The following ERBB3 variants were observed in gnomAD, a reference collection of about 807,000 sequenced individuals.
ERBB3 encodes erb-b2 receptor tyrosine kinase 3.
In ERBB3, 96 loss-of-function variants were observed where a neutral mutation model predicts 156.7. The ratio of observed to expected loss-of-function variants is 0.61; its 90% CI spans 0.52 to 0.73. The LOEUF (loss-of-function observed/expected upper bound fraction) is 0.73, where lower values mean the gene tolerates loss of function less well. Ranked by LOEUF, ERBB3 falls within the 30% of genes least tolerant of loss-of-function variation. ERBB3 has a pLI of 0.00. For synonymous variants in ERBB3, 567 were observed against 632.0 expected (o/e 0.90, Z 1.54); for missense variants, 1,406 against 1,709.4 (o/e 0.82, Z 3.13).
In ERBB3 at chr12:56,086,563, A is replaced by G; in HGVS notation, c.454A>G (p.Asn152Asp). ...ILSGGVYIEK[N>D]DKLCHMDTID... ...GTCAGGGGGTGTTTATATTGAGAAG[A>G]ACGATAAGCTTTGTCACATGGACAC... The change falls in exon 4 of 28, where the codon AAC becomes GAC. Residue 152 changes from asparagine to aspartate, a missense_variant. Around this residue, in one of 3 missense-constraint regions of ERBB3, gnomAD observed 979 missense variants for 1,219.6 expected, o/e 0.80. Transcript: ENST00000267101. 1 of 1,614,118 alleles carries G rather than the reference A, an allele frequency of 6.2e-7. No homozygotes were observed. Among genetic ancestry groups the G allele is most frequent in the East Asian group, 2.2e-5 (1 of 44,878 alleles).
Position 56,094,420 on chromosome 12 carries a change from C to G in ERBB3, c.1723C>G (p.Gln575Glu), listed in dbSNP as rs370896872. ...CACTCAGGGCTCTGATACTTGTGCTCAATGTGCCCATTTTCGAGATGGGCC... is the reference window on the plus strand; with the variant it reads ...CACTCAGGGCTCTGATACTTGTGCTGAATGTGCCCATTTTCGAGATGGGCC... Reference protein sequence around the residue: ...CNGSGSDTCAQCAHFRDGPHC... With the variant: ...CNGSGSDTCAECAHFRDGPHC... The change falls in exon 15 of 28, where the codon CAA becomes GAA. Residue 575 changes from glutamine to glutamate, a missense_variant. Gln to Glu is a conservative substitution (Grantham distance 29, BLOSUM62 2). Transcript: ENST00000267101. 6.2e-7 allele frequency: 1 copy of G among 1,614,122 alleles called. No individual in the cohort carries two copies. The highest frequency in any genetic ancestry group is 1.3e-5 in the African/African-American group (1 of 75,000).
intron 11 of ERBB3, 31 bp from the exon 12 acceptor site, chr12:56,093,314 C>G (rs922828673): frequency 3.8e-6 from 6 of 1,575,870 alleles, no homozygotes; most frequent in Non-Finnish European, 5.2e-6. Context: ...CCTTAGTAGT[C>G]TCTCCTCTCA....
At position 56,092,832 on chromosome 12, in the gene ERBB3, A is replaced by C. The variant is rs769847079; in HGVS notation, c.1183+12A>C. ...ACGGGAGATCACAGGTGAGTGGCAG[A>C]GAGTTTGCCCTTTCTAGAAGAATAG... On this transcript the variant is annotated intron_variant, in intron 10 of 27. Coordinates refer to ENST00000267101, the MANE Select transcript of ERBB3 (RefSeq NM_001982.4). 6.2e-7 allele frequency: 1 copy of C among 1,612,744 alleles called. No homozygotes were observed. Among genetic ancestry groups the C allele is most frequent in the South Asian group, 1.1e-5 (1 of 91,060 alleles).
rs1249915370 is a variant in ERBB3 at position 56,102,826 on chromosome 12, A to AC, written c.*771_*772insC. The AC allele has an allele frequency of 1.4e-5, 3 of 214,616 alleles. No homozygotes were observed. The highest frequency in any genetic ancestry group is 2.3e-5 in the African/African-American group (1 of 43,994). The allele number at this position is 214,616 out of a possible 1,614,324, so 13.3% of individuals were successfully genotyped here. On this transcript the variant is annotated 3_prime_UTR_variant, in exon 28 of 28. Transcript: ENST00000267101. ...CTCTTTAAAAAAAAAAAAAAAAAAA[A>AC]AAAAAAAACTTTAGAACTGGGTGCA...
intron 15 of ERBB3, among the ~76,000 whole-genome samples, chr12:56,094,778 C>T (rs1276733280): frequency 6.6e-6 from 1 of 152,056 alleles, no homozygotes; most frequent in Non-Finnish European, 1.5e-5. Flanking sequence ...ATGGAGAAAC[C>T]CTGTCTCTAC....
chr12:56,092,957 T>G, intron 10 of ERBB3, 29 bp from the exon 11 acceptor site: 1 of 1,590,010 alleles, frequency 6.3e-7, no homozygotes, highest in South Asian at 1.1e-5. Context: ...GAAGGCTCCC[T>G]GCCCATATGC....
chr12:56,100,520 T>C (rs1282351447), intron 26 of ERBB3, among the ~76,000 whole-genome samples: 1 of 151,526 alleles, frequency 6.6e-6, no homozygotes, highest in East Asian at 1.9e-4. Context: ...TGCACACCTG[T>C]AATCACAGCT....
intron 1 of ERBB3, among the ~76,000 whole-genome samples, chr12:56,080,740 C>G (rs1868344129): frequency 1.3e-5 from 2 of 152,124 alleles, no homozygotes; most frequent in African/African-American, 2.4e-5. Flanking sequence ...GGGGCCTTGG[C>G]GGGAAGGGTC....
chr12:56,080,584 C>CG (rs571429414), intron 1 of ERBB3, among the ~76,000 whole-genome samples: 88 of 152,346 alleles, frequency 5.8e-4, no homozygotes, highest in South Asian at 3.9e-3. Flanking sequence ...GGGACCCTCA[C>CG]GCCACCCTTC....
At position 56,102,148 on chromosome 12, in the gene ERBB3, C is replaced by G; in HGVS notation, c.*93C>G. On this transcript the variant is annotated 3_prime_UTR_variant, in exon 28 of 28. Coordinates refer to ENST00000267101, the MANE Select transcript of ERBB3 (RefSeq NM_001982.4). ...TCCCTATTCCCTCTCTCTCCCAGGTCCCAGCCCCTTTTCCCCAGTCCCAGA... is the reference window on the plus strand; with the variant it reads ...TCCCTATTCCCTCTCTCTCCCAGGTGCCAGCCCCTTTTCCCCAGTCCCAGA... 1 of 1,155,266 alleles carries G rather than the reference C, an allele frequency of 8.7e-7. No homozygotes were observed. Among genetic ancestry groups the G allele is most frequent in the Non-Finnish European group, 1.3e-6 (1 of 777,204 alleles). The allele number at this position is 1,155,266 out of a possible 1,614,324, so 71.6% of individuals were successfully genotyped here. A position where few individuals can be genotyped will look rare whatever the true frequency, so the allele number is the denominator to read the frequency against.
At chr12:56,096,283 A>C in intron 17 of ERBB3, 2 of 611,116 alleles carry the variant, frequency 3.3e-6, no homozygotes, top group Non-Finnish European at 5.7e-6. Flanking sequence ...ATCAAAGGGA[A>C]AACCCAACCC....
chr12:56,096,396 C>T, intron 17 of ERBB3, 107 bp from the exon 18 acceptor site: 1 of 1,411,258 alleles, frequency 7.1e-7, no homozygotes, highest in Non-Finnish European at 1.0e-6. Flanking sequence ...GCTTCCTCTT[C>T]CTGCCCTTTC....
rs1159627374 is a variant in ERBB3, at chr12:56,097,943, GA to G, written c.2616+4del. 6.2e-7 allele frequency: 1 copy of G among 1,613,050 alleles called. No individual in the cohort carries two copies. Among genetic ancestry groups the G allele is most frequent in the Admixed American group, 1.7e-5 (1 of 60,004 alleles). Reference sequence around the variant, plus strand: ...AGCTGCTATACAGTGAGGCCAAGGTGAGGAGACACAAAGGGTAAGGAGGCGG... The same window carrying G: ...AGCTGCTATACAGTGAGGCCAAGGTGGGAGACACAAAGGGTAAGGAGGCGG... On this transcript the variant is annotated splice_donor_region_variant and intron_variant, in intron 21 of 27. Transcript: ENST00000267101.
intron 9 of ERBB3, among the ~76,000 whole-genome samples, chr12:56,092,088 TAA>T (rs778531663): frequency 2.9e-4 from 32 of 111,744 alleles, no homozygotes; most frequent in Admixed American, 3.8e-4. Context: ...CCCTGTCTCT[TAA>T]AAAAAAAAAA....
Position 56,102,806 on chromosome 12 carries a change from TAAAAAA to T in ERBB3, c.*774_*779del, listed in dbSNP as rs4016497. The T allele has an allele frequency of 2.7e-4, 15 of 56,132 alleles. No individual in the cohort carries two copies. Among genetic ancestry groups the T allele is most frequent in the Non-Finnish European group, 3.6e-4 (12 of 32,966 alleles). The allele number at this position is 56,132 out of a possible 1,614,324, so 3.5% of individuals were successfully genotyped here. A position where few individuals can be genotyped will look rare whatever the true frequency, so the allele number is the denominator to read the frequency against. On this transcript the variant is annotated 3_prime_UTR_variant, in exon 28 of 28. Coordinates refer to ENST00000267101, the MANE Select transcript of ERBB3 (RefSeq NM_001982.4). ...CAACATAGTAAGACCCCCATCTCTT[TAAAAAA>T]AAAAAAAAAAAAAAAAAAAAAACTT... is the stretch of plus-strand genomic sequence containing the variant.
chr12:56,098,240 T>C, intron 21 of ERBB3: 1 of 449,836 alleles, frequency 2.2e-6, no homozygotes, highest in African/African-American at 4.4e-5. Flanking sequence ...CCGTCTCTAC[T>C]AAATATACAA....
At chr12:56,100,939 CAAAAAAA>C (rs10536745) in intron 26 of ERBB3, 115 bp from the exon 27 acceptor site, 186 of 303,372 alleles carry the variant, frequency 6.1e-4, no homozygotes, top group Middle Eastern at 3.3e-3. Context: ...GACTCCACCT[CAAAAAAA>C]AAAAAAAAAA....
chr12:56,102,935 A>G lies in ERBB3; in HGVS notation c.*880A>G, dbSNP rs919502155. On this transcript the variant is annotated 3_prime_UTR_variant, in exon 28 of 28. Coordinates refer to ENST00000267101, the MANE Select transcript of ERBB3 (RefSeq NM_001982.4). ...TGAGCCCAGAATTAGAGATAAGCCT[A>G]TGGAAACATAGCAAGACACTGTCTC... is the stretch of plus-strand genomic sequence containing the variant. The G allele has an allele frequency of 1.8e-5, 4 of 226,892 alleles. No individual in the cohort carries two copies. Among genetic ancestry groups the G allele is most frequent in the African/African-American group, 8.9e-5 (4 of 44,876 alleles). The allele number at this position is 226,892 out of a possible 1,614,324, so 14.1% of individuals were successfully genotyped here.
At position 56,088,572 on chromosome 12, in the gene ERBB3, G is replaced by A. The variant is rs2136796945; in HGVS notation, c.904G>A (p.Val302Ile). The A allele has an allele frequency of 1.9e-6, 3 of 1,614,084 alleles. No homozygotes were observed. Among genetic ancestry groups the A allele is most frequent in the South Asian group, 1.1e-5 (1 of 91,078 alleles). The change falls in exon 8 of 28, where the codon GTC becomes ATC. Residue 302 changes from valine to isoleucine, a missense_variant. This residue lies in a region of ERBB3 where 979 missense variants were observed against 1,219.6 expected (regional missense o/e 0.80). Transcript: ENST00000267101. ...CTTTGTGGTGGATCAAACATCCTGT[G>A]TCAGGGCCTGTCCTCCTGACAAGAT... is the stretch of plus-strand genomic sequence containing the variant. ...HNFVVDQTSC[V>I]RACPPDKMEV...
Sources: gnomAD v4.1 joint callset for allele counts (sites outside exome capture counted in the v4.1 genomes callset) on GRCh38, gnomAD v4.1.1 for gene constraint, gnomAD v4.1.1 regional missense constraint, MANE v1.5 for transcripts, NCBI Gene and HGNC (gene_info 2026-07-23, HGNC 2026-07-21) for gene names.